The following GRIN2A variants were observed in gnomAD, a reference collection of about 807,000 sequenced individuals.
The protein encoded by GRIN2A is glutamate receptor ionotropic, NMDA 2A.
GRIN2A carries 22 observed loss-of-function variants against 113.4 expected under a neutral mutation model. That is an observed-to-expected ratio of 0.19 (90% CI 0.14 to 0.28). The LOEUF (loss-of-function observed/expected upper bound fraction) is 0.28. Among genes scored for constraint, GRIN2A ranks in the 10% least tolerant of loss-of-function variants. GRIN2A has a pLI of 1.00. For missense variants in GRIN2A, 1,502 were observed against 1,887.0 expected (o/e 0.80, Z 3.78); for synonymous variants, 827 against 738.4 (o/e 1.12, Z -1.94).
At chr16:10,155,138 C>T (rs1473978368) in intron 2 of GRIN2A, among the ~76,000 whole-genome samples, 2 of 152,106 alleles carry the variant, frequency 1.3e-5, no homozygotes, top group Admixed American at 1.3e-4. Context: ...TTCCTCAGAG[C>T]CCTCTTTGGG....
chr16:9,990,667 A>T (rs1392855918), intron 2 of GRIN2A, among the ~76,000 whole-genome samples: 1 of 147,000 alleles, frequency 6.8e-6, no homozygotes, highest in African/African-American at 2.5e-5. Flanking sequence ...TTACATTGGC[A>T]TTTTTTTTTT....
At chr16:10,005,562 G>A (rs1439717307) in intron 2 of GRIN2A, among the ~76,000 whole-genome samples, 1 of 152,118 alleles carries the variant, frequency 6.6e-6, no homozygotes, top group African/African-American at 2.4e-5. Flanking sequence ...CGCCCTACCT[G>A]GAGAAAAAGA....
In GRIN2A at chr16:10,102,326, C is replaced by G. The variant is rs1489630975; in HGVS notation, c.414+77672G>C. 4.6e-5 allele frequency among the ~76,000 whole-genome samples: 7 copies of G among 152,196 alleles called. No individual in the cohort carries two copies. The East Asian group carries it at 1.4e-3, about 30-fold the overall frequency. Reference sequence around the variant, plus strand: ...TTTGGTTGTTTAAAAGAGTGTGGCACTGATCCCCTTTCTCTCTTGCTCTGT... The same window carrying G: ...TTTGGTTGTTTAAAAGAGTGTGGCAGTGATCCCCTTTCTCTCTTGCTCTGT... On this transcript the variant is annotated intron_variant, in intron 2 of 12. Transcript: ENST00000330684.
chr16:9,843,300 A>G (rs1482289220), intron 5 of GRIN2A, among the ~76,000 whole-genome samples: 2 of 152,242 alleles, frequency 1.3e-5, no homozygotes, highest in East Asian at 1.9e-4. Flanking sequence ...GATATACATC[A>G]TCTCTATATC....
intron 10 of GRIN2A, among the ~76,000 whole-genome samples, chr16:9,813,709 A>G (rs1262671184): frequency 6.6e-6 from 1 of 151,800 alleles, no homozygotes; most frequent in Non-Finnish European, 1.5e-5. Context: ...CAAAAAAAAA[A>G]AAGATGTCTG....
At position 10,170,440 on chromosome 16, in the gene GRIN2A, C is replaced by T. The variant is rs993545024; in HGVS notation, c.414+9558G>A. Among the ~76,000 whole-genome samples, 56 of 152,162 alleles carry T rather than the reference C, an allele frequency of 3.7e-4. 1 individual carries two copies. The highest frequency in any genetic ancestry group is 7.2e-4 in the Admixed American group (11 of 15,272). ...GACTGGTGATAGCATGGTGACAATA[C>T]AAAAATATATTGTATACAGGCAATT... is the stretch of plus-strand genomic sequence containing the variant. On this transcript the variant is annotated intron_variant, in intron 2 of 12. Coordinates refer to ENST00000330684, the MANE Select transcript of GRIN2A (RefSeq NM_001134407.3).
intron 2 of GRIN2A, among the ~76,000 whole-genome samples, chr16:10,152,820 T>A (rs1049005684): frequency 6.6e-6 from 1 of 152,170 alleles, no homozygotes; most frequent in African/African-American, 2.4e-5. Flanking sequence ...TATTTCTAAG[T>A]GAAAGAAGCC....
At chr16:9,840,324 T>G (rs1309414001) in intron 7 of GRIN2A, among the ~76,000 whole-genome samples, 1 of 151,952 alleles carries the variant, frequency 6.6e-6, no homozygotes, top group Non-Finnish European at 1.5e-5. Flanking sequence ...AATAATATAA[T>G]GAGAGCCCCT....
At chr16:10,146,578 C>A (rs573680093) in intron 2 of GRIN2A, among the ~76,000 whole-genome samples, 1 of 152,030 alleles carries the variant, frequency 6.6e-6, no homozygotes, top group South Asian at 2.1e-4. Context: ...ACTAAAGACT[C>A]CCCCACAGAG....
chr16:9,848,849 T>C lies in GRIN2A; in HGVS notation c.1328+907A>G, dbSNP rs1475845151. On this transcript the variant is annotated intron_variant, in intron 5 of 12. Transcript: ENST00000330684. Reference sequence around the variant, plus strand: ...AAATACACTGTTTTATATATTTAAATATATAAAATACACTGTTTTATATAT... The same window carrying C: ...AAATACACTGTTTTATATATTTAAACATATAAAATACACTGTTTTATATAT... Among the ~76,000 whole-genome samples, 3 of 34,002 alleles carry C rather than the reference T, an allele frequency of 8.8e-5. 1 individual carries two copies. In the Admixed American group the frequency reaches 1.5e-3, roughly 17 times the overall value. 22.3% of individuals were successfully genotyped at this position (34,002 alleles called of 152,430 possible).
chr16:10,038,488 C>T (rs1192758059), intron 2 of GRIN2A, among the ~76,000 whole-genome samples: 1 of 151,998 alleles, frequency 6.6e-6, no homozygotes, highest in African/African-American at 2.4e-5. Flanking sequence ...GCATCCCTGT[C>T]CTCCACCTAC....
intron 4 of GRIN2A, among the ~76,000 whole-genome samples, chr16:9,854,992 TTGTGTGTGTG>T (rs3831730): frequency 1.4e-5 from 2 of 147,558 alleles, no homozygotes; most frequent in East Asian, 2.0e-4. Context: ...GCAAGCACGC[TTGTGTGTGTG>T]TGTGTGTGTG....
intron 2 of GRIN2A, among the ~76,000 whole-genome samples, chr16:9,991,430 T>C (rs1466316360): frequency 6.6e-6 from 1 of 152,230 alleles, no homozygotes; most frequent in Non-Finnish European, 1.5e-5. Context: ...ATTTAAGGGA[T>C]ACAACTGCAT....
intron 2 of GRIN2A, among the ~76,000 whole-genome samples, chr16:10,106,669 A>G (rs545499333): frequency 3.3e-5 from 5 of 152,192 alleles, no homozygotes; most frequent in Non-Finnish European, 7.3e-5. Context: ...CACATAAGAA[A>G]AAGTGATTTT....
rs1035892692 is a variant in GRIN2A at position 9,757,863 on chromosome 16, G to T, written c.*5286C>A. The stretch of plus-strand genomic sequence containing the variant: ...AGAAGCATGGGTAGGTCTTTCTGGG[G>T]CAAGTGGCAAAAACAAAAAACAAAA... On this transcript the variant is annotated 3_prime_UTR_variant, in exon 13 of 13. Coordinates refer to ENST00000330684, the MANE Select transcript of GRIN2A (RefSeq NM_001134407.3). 41 of 226,460 alleles carry T rather than the reference G, an allele frequency of 1.8e-4. No individual in the cohort carries two copies. The highest frequency in any genetic ancestry group is 3.0e-4 in the Non-Finnish European group (34 of 113,664). 14.0% of individuals were successfully genotyped at this position (226,460 alleles called of 1,614,324 possible). A position where few individuals can be genotyped will look rare whatever the true frequency, so the allele number is the denominator to read the frequency against.
At chr16:10,149,930 T>C (rs1444186036) in intron 2 of GRIN2A, among the ~76,000 whole-genome samples, 1 of 152,240 alleles carries the variant, frequency 6.6e-6, no homozygotes, top group Non-Finnish European at 1.5e-5. Flanking sequence ...ATTCAAGAAT[T>C]GTACAGATCT....
At chr16:9,810,550 G>C (rs929450089) in intron 10 of GRIN2A, among the ~76,000 whole-genome samples, 1 of 152,180 alleles carries the variant, frequency 6.6e-6, no homozygotes, top group Non-Finnish European at 1.5e-5. Context: ...CTTAGAAGAA[G>C]AGGAGACATA....
intron 10 of GRIN2A, among the ~76,000 whole-genome samples, chr16:9,812,569 T>C (rs1360277067): frequency 1.3e-5 from 2 of 152,054 alleles, no homozygotes; most frequent in Non-Finnish European, 2.9e-5. Flanking sequence ...ACCTCGGAGA[T>C]GGAGGTTGCA....
chr16:10,151,712 CA>C (rs765857691), intron 2 of GRIN2A, among the ~76,000 whole-genome samples: 9 of 152,072 alleles, frequency 5.9e-5, no homozygotes, highest in Admixed American at 1.3e-4. Context: ...TGTGTTTGTC[CA>C]GTAATTTCAG....
Sources: gnomAD v4.1 joint callset for allele counts (sites outside exome capture counted in the v4.1 genomes callset) on GRCh38, gnomAD v4.1.1 for gene constraint, MANE v1.5 for transcripts, NCBI Gene and HGNC (gene_info 2026-07-23, HGNC 2026-07-21) for gene names.